OSBPL10: variants seen among roughly 807,000 people sequenced by gnomAD.
OSBPL10 encodes oxysterol-binding protein-related protein 10.
Under a neutral mutation model 81.7 loss-of-function variants are expected in OSBPL10, and 49 were observed. The observed-to-expected ratio is 0.60, with a 90% CI of 0.48 to 0.76. The LOEUF (loss-of-function observed/expected upper bound fraction) is 0.76, where lower values mean the gene tolerates loss of function less well. Among genes scored for constraint, OSBPL10 ranks in the 30% least tolerant of loss-of-function variants. The pLI is 0.00. For synonymous variants in OSBPL10, 419 were observed against 383.6 expected, an observed-to-expected ratio of 1.09 and a Z score of -1.08; for missense variants, 923 against 987.8, an observed-to-expected ratio of 0.93 and a Z score of 0.88.
intron 4 of OSBPL10, among the ~76,000 whole-genome samples, chr3:31,761,819 A>AACAAACAAAC (rs1203727171): frequency 6.7e-6 from 1 of 148,564 alleles, no homozygotes; most frequent in African/African-American, 2.6e-5. Flanking sequence ...TCTCTAAAAA[A>AACAAACAAAC]AAAAAAAAAA....
chr3:31,936,396 A>T (rs191927202), intron 1 of OSBPL10, among the ~76,000 whole-genome samples: 3 of 152,356 alleles, frequency 2.0e-5, no homozygotes, highest in African/African-American at 2.4e-5. Context: ...TGTAACAAAC[A>T]GACTCTAGTA....
chr3:31,695,449 C>T (rs1695687962), intron 7 of OSBPL10, among the ~76,000 whole-genome samples: 1 of 152,082 alleles, frequency 6.6e-6, no homozygotes, highest in Non-Finnish European at 1.5e-5. Context: ...TTTTACTGTC[C>T]ACCACCCCCT....
intron 4 of OSBPL10, among the ~76,000 whole-genome samples, chr3:31,753,224 A>G (rs1230465087): frequency 2.9e-5 from 4 of 137,012 alleles, no homozygotes; most frequent in Non-Finnish European, 4.7e-5. Context: ...TTCAATCTTT[A>G]TTGACCAGGC....
intron 1 of OSBPL10, among the ~76,000 whole-genome samples, chr3:31,903,033 C>T (rs1696296443): frequency 6.6e-6 from 1 of 152,302 alleles, no homozygotes; most frequent in Non-Finnish European, 1.5e-5. Context: ...CCCTTCCTTC[C>T]TCCTTCATCC....
chr3:31,839,632 C>A (rs904042744), intron 3 of OSBPL10, among the ~76,000 whole-genome samples: 1 of 152,010 alleles, frequency 6.6e-6, no homozygotes, highest in Non-Finnish European at 1.5e-5. Context: ...GCCAGGCTAT[C>A]TGGGTAAGAG....
chr3:31,946,403 CAA>C (rs11129472), intron 1 of OSBPL10, among the ~76,000 whole-genome samples: 35,499 of 143,268 alleles, frequency 0.25, 5,541 homozygotes, highest in African/African-American at 0.44. Flanking sequence ...TGTTTTTTAT[CAA>C]AAAAAAAAAA....
intron 4 of OSBPL10, among the ~76,000 whole-genome samples, chr3:31,791,444 C>A (rs1699007045): frequency 6.6e-6 from 1 of 152,078 alleles, no homozygotes; most frequent in South Asian, 2.1e-4. Context: ...CGTGCATTTC[C>A]CCTGAGGTTC....
rs529641183 is a variant in OSBPL10 at position 31,934,996 on chromosome 3, G to A, written c.281+45903C>T. On this transcript the variant is annotated intron_variant, in intron 1 of 11. Transcript: ENST00000396556. ...CATCAAGAACCCCTTCAATCTTTCT[G>A]ATTTGCAACTCTTAGCGCTTGGCCT... 3.3e-5 allele frequency among the ~76,000 whole-genome samples: 5 copies of A among 152,250 alleles called. No homozygotes were observed. In the South Asian group the frequency reaches 1.0e-3, roughly 32 times the overall value.
chr3:31,989,241 G>A (rs1698987748), intron 2 of OSBPL10: 3 of 1,614,000 alleles, frequency 1.9e-6, no homozygotes, highest in South Asian at 2.2e-5. Flanking sequence ...CCATGATGTT[G>A]GAGAACTACA....
chr3:31,857,806 GA>G (rs1559494200), intron 3 of OSBPL10, among the ~76,000 whole-genome samples: 5 of 126,436 alleles, frequency 4.0e-5, no homozygotes, highest in East Asian at 4.4e-4. Flanking sequence ...CAGAAAGGGA[GA>G]GAGAGAGAAA....
At chr3:31,677,247 C>T (rs1476308565) in intron 8 of OSBPL10, among the ~76,000 whole-genome samples, 1 of 152,166 alleles carries the variant, frequency 6.6e-6, no homozygotes, top group Non-Finnish European at 1.5e-5. Flanking sequence ...CCTTCTGCTT[C>T]GAAGTTTGGA....
At chr3:31,791,445 CCT>C (rs924350266) in intron 4 of OSBPL10, among the ~76,000 whole-genome samples, 9 of 152,140 alleles carry the variant, frequency 5.9e-5, no homozygotes, top group African/African-American at 1.9e-4. Flanking sequence ...GTGCATTTCC[CCT>C]GAGGTTCTGA....
At position 31,920,525 on chromosome 3, in the gene OSBPL10, T is replaced by C. The variant is rs568930408; in HGVS notation, c.282-40695A>G. ...CTCTAGCTGATAAAGTTGCTTCCCA[T>C]GGGGATGCAGGTTACCAATGCTGCT... is the stretch of plus-strand genomic sequence containing the variant. On this transcript the variant is annotated intron_variant, in intron 1 of 11. Transcript: ENST00000396556. Among the ~76,000 whole-genome samples the C allele has an allele frequency of 2.0e-5, 3 of 152,272 alleles. No individual in the cohort carries two copies. In the South Asian group the frequency reaches 6.2e-4, roughly 32 times the overall value.
At chr3:31,708,469 G>T (rs1311016050) in intron 6 of OSBPL10, among the ~76,000 whole-genome samples, 2 of 152,184 alleles carry the variant, frequency 1.3e-5, no homozygotes. Flanking sequence ...CACATCTGAA[G>T]ATCCAGTCCG....
At chr3:31,784,950 T>G (rs1011124224) in intron 4 of OSBPL10, among the ~76,000 whole-genome samples, 4 of 151,820 alleles carry the variant, frequency 2.6e-5, no homozygotes, top group Non-Finnish European at 5.9e-5. Flanking sequence ...AGTAGTACAA[T>G]AGCAGCTCAC....
At chr3:31,892,672 G>C (rs139294242) in intron 1 of OSBPL10, among the ~76,000 whole-genome samples, 2 of 152,188 alleles carry the variant, frequency 1.3e-5, no homozygotes, top group African/African-American at 2.4e-5. Flanking sequence ...AATGCTGACC[G>C]GTAGTTCGAC....
At chr3:31,934,504 G>A (rs958018669) in intron 1 of OSBPL10, among the ~76,000 whole-genome samples, 15 of 151,238 alleles carry the variant, frequency 9.9e-5, no homozygotes, top group Admixed American at 5.9e-4. Context: ...CGCCTCCCAG[G>A]TTCAAGGGAT....
chr3:31,824,509 C>G (rs1033585431), intron 4 of OSBPL10, among the ~76,000 whole-genome samples: 2 of 152,160 alleles, frequency 1.3e-5, no homozygotes, highest in Non-Finnish European at 2.9e-5. Context: ...CCGATGGTTG[C>G]TACAAGAGCA....
chr3:31,713,418 A>G (rs1291612179), intron 6 of OSBPL10, among the ~76,000 whole-genome samples: 2 of 151,670 alleles, frequency 1.3e-5, no homozygotes, highest in Non-Finnish European at 2.9e-5. Context: ...TTATTTTGTG[A>G]CAGAGTCTCA....
Sources: allele counts gnomAD v4.1 joint callset (sites outside exome capture counted in the v4.1 genomes callset), GRCh38; gene constraint gnomAD v4.1.1; transcripts MANE v1.5; gene names NCBI Gene and HGNC (gene_info 2026-07-23, HGNC 2026-07-21).